SFT2D1: variants seen among roughly 807,000 people sequenced by gnomAD.
SFT2D1 encodes the protein vesicle transport protein SFT2A.
A neutral mutation model predicts 28.1 loss-of-function variants in SFT2D1; 24 were observed. The ratio of observed to expected loss-of-function variants is 0.85; its 90% confidence interval spans 0.62 to 1.20. The LOEUF is 1.20. Ranked by LOEUF, SFT2D1 falls within the 50% of genes most tolerant of loss-of-function variation. The pLI is 0.00. For missense variants in SFT2D1, 181 were observed against 190.9 expected (o/e 0.95, Z 0.31); for synonymous variants, 82 against 73.7 (o/e 1.11, Z -0.58).
In SFT2D1 at chr6:166,328,300, T is replaced by C. The variant is rs1778488603; in HGVS notation, c.291A>G (p.Arg97=). 2 of 1,594,296 alleles carry C rather than the reference T, an allele frequency of 1.3e-6. No individual in the cohort carries two copies. The highest frequency in any genetic ancestry group is 1.3e-5 in the African/African-American group (1 of 74,180). Residue 97 remains arginine (R), a synonymous_variant, in exon 4 of 8, where the codon AGA becomes AGG. Transcript: ENST00000361731. ...KQLKKMFEAT[R]LLATIVMLLC... ...CAAGCATAACAATTGTTGCAAGCAA[T>C]CTTGTTGCTTCAAACATTTTCTTCA...
intron 1 of SFT2D1, among the ~76,000 whole-genome samples, chr6:166,332,223 C>A (rs2114904732): frequency 6.6e-6 from 1 of 152,292 alleles, no homozygotes; most frequent in Admixed American, 6.5e-5. Flanking sequence ...GAAAACCTGG[C>A]AGTGCATCTT....
At chr6:166,330,073 A>G in intron 2 of SFT2D1, 88 bp downstream of exon 2, 4 of 999,930 alleles carry the variant, frequency 4.0e-6, no homozygotes, top group Non-Finnish European at 5.6e-6. Flanking sequence ...ACAGGGATTT[A>G]GTAAAGGACA....
rs1400553202 is a variant in SFT2D1, at chr6:166,319,882, A to C, written c.*335T>G. On this transcript the variant is annotated 3_prime_UTR_variant, in exon 8 of 8. Coordinates refer to ENST00000361731, the MANE Select transcript of SFT2D1 (RefSeq NM_145169.3). ...ACATTTTTTAAAAGCAAAAAAGTTT[A>C]ATTATCTTGCAGCACAGGTCTACCT... 3.3e-5 allele frequency: 6 copies of C among 180,902 alleles called. No individual in the cohort carries two copies. In the East Asian group the frequency reaches 8.3e-4, roughly 25 times the overall value. 11.2% of individuals were successfully genotyped at this position (180,902 alleles called of 1,614,324 possible).
chr6:166,320,839 A>T (rs1778340218), intron 7 of SFT2D1, among the ~76,000 whole-genome samples: 1 of 152,232 alleles, frequency 6.6e-6, no homozygotes, highest in African/African-American at 2.4e-5. Context: ...TTTTAAAAAG[A>T]ACTAGGCCAG....
intron 1 of SFT2D1, among the ~76,000 whole-genome samples, chr6:166,342,069 C>T (rs116932852): frequency 1.3e-3 from 191 of 152,302 alleles, no homozygotes; most frequent in Non-Finnish European, 1.5e-3. Context: ...TAGCTACTTA[C>T]GCTGCACAGC....
chr6:166,333,902 C>T (rs928805162), intron 1 of SFT2D1, among the ~76,000 whole-genome samples: 8 of 83,422 alleles, frequency 9.6e-5, no homozygotes, highest in African/African-American at 4.3e-4. Context: ...CCTGCTGCCA[C>T]CAAACCACCA....
intron 3 of SFT2D1, among the ~76,000 whole-genome samples, chr6:166,328,594 C>A (rs1778495097): frequency 6.6e-6 from 1 of 152,072 alleles, no homozygotes; most frequent in Admixed American, 6.6e-5. Context: ...AGTATGAAGA[C>A]CGGACTAGGC....
intron 6 of SFT2D1, chr6:166,323,527 C>T (rs1317057070): frequency 6.6e-6 from 1 of 152,278 alleles, no homozygotes; most frequent in Non-Finnish European, 1.5e-5. Flanking sequence ...AAGTACTCTT[C>T]ACTAACACAG....
At chr6:166,330,058 G>A (rs1029833666) in intron 2 of SFT2D1, 103 bp downstream of exon 2, 4 of 813,444 alleles carry the variant, frequency 4.9e-6, no homozygotes, top group Non-Finnish European at 7.3e-6. Flanking sequence ...CACCAAAATG[G>A]TCTAACAGGG....
rs772250571 is a variant in SFT2D1 at position 166,320,263 on chromosome 6, G to GA, written c.441-8dup. ...GCATTTAATAACTGCATCCCTGGTG[G>GA]AAAAGAGAGGGAAAAAAACAGAATA... On this transcript the variant is annotated splice_polypyrimidine_tract_variant and splice_region_variant and intron_variant, in intron 7 of 7. Transcript: ENST00000361731. 1 of 1,608,374 alleles carries GA rather than the reference G, an allele frequency of 6.2e-7. No individual in the cohort carries two copies. The highest frequency in any genetic ancestry group is 1.3e-5 in the African/African-American group (1 of 74,712).
chr6:166,322,926 T>C (rs1240245071), intron 6 of SFT2D1, 40 bp from the exon 7 acceptor site: 6 of 1,576,804 alleles, frequency 3.8e-6, no homozygotes, highest in Non-Finnish European at 4.4e-6. Flanking sequence ...TTCATCTGAA[T>C]GATGGTTTTC....
intron 1 of SFT2D1, among the ~76,000 whole-genome samples, chr6:166,337,099 A>G (rs1171712668): frequency 6.6e-6 from 1 of 152,220 alleles, no homozygotes; most frequent in African/African-American, 2.4e-5. Flanking sequence ...CCAGACTTGG[A>G]GCACAGCCCA....
intron 4 of SFT2D1, among the ~76,000 whole-genome samples, chr6:166,327,986 C>T (rs1195255490): frequency 2.0e-5 from 3 of 151,840 alleles, no homozygotes; most frequent in African/African-American, 7.3e-5. Context: ...TTAGTAGAGA[C>T]GGGGTTTCAT....
chr6:166,334,069 A>C (rs1281403747), intron 1 of SFT2D1, among the ~76,000 whole-genome samples: 1 of 152,072 alleles, frequency 6.6e-6, no homozygotes, highest in Admixed American at 6.5e-5. Context: ...ACATGTTCTC[A>C]CTCTCTGAAA....
intron 1 of SFT2D1, chr6:166,335,097 T>TG (rs1286809611): frequency 8.7e-6 from 5 of 577,028 alleles, no homozygotes; most frequent in Admixed American, 5.6e-5. Context: ...GCCAAAACTG[T>TG]GAAGTTAGGG....
intron 1 of SFT2D1, among the ~76,000 whole-genome samples, chr6:166,341,550 C>T (rs912095197): frequency 1.3e-5 from 2 of 152,038 alleles, no homozygotes; most frequent in African/African-American, 4.8e-5. Context: ...ACTCTCTGAA[C>T]CCAAAACTGT....
At chr6:166,329,391 G>T in intron 3 of SFT2D1, 116 bp downstream of exon 3, 1 of 760,540 alleles carries the variant, frequency 1.3e-6, no homozygotes, top group Non-Finnish European at 2.2e-6. Flanking sequence ...TGTAAATCCT[G>T]TGGCTGAATT....
intron 1 of SFT2D1, among the ~76,000 whole-genome samples, chr6:166,333,393 C>A (rs1050544085): frequency 6.6e-6 from 1 of 152,210 alleles, no homozygotes. Context: ...AGTGACCCAG[C>A]CCAGGGCAGT....
intron 7 of SFT2D1, among the ~76,000 whole-genome samples, chr6:166,321,361 C>T (rs1778352264): frequency 6.6e-6 from 1 of 152,144 alleles, no homozygotes. Flanking sequence ...AGAGGCTGGT[C>T]ATGTTCTTGA....
Sources: gnomAD v4.1 joint callset for allele counts (sites outside exome capture counted in the v4.1 genomes callset) on GRCh38, gnomAD v4.1.1 for gene constraint, MANE v1.5 for transcripts, NCBI Gene and HGNC (gene_info 2026-07-23, HGNC 2026-07-21) for gene names.